The following ALK variants were observed in gnomAD, a reference collection of about 807,000 sequenced individuals.
The protein encoded by ALK is ALK receptor tyrosine kinase, also known as ALK tyrosine kinase receptor.
ALK carries 74 observed loss-of-function variants against 163.1 expected under a neutral mutation model. The ratio of observed to expected loss-of-function variants is 0.45; its 90% CI spans 0.38 to 0.55. The LOEUF is 0.55. Ranked by LOEUF, ALK falls within the 20% of genes least tolerant of loss-of-function variation. The probability of loss-of-function intolerance (pLI) is 0.00; values close to 1 mark genes in which losing one functional copy is unlikely to be tolerated. For synonymous variants in ALK, 960 were observed against 843.2 expected, an observed-to-expected ratio of 1.14 and a Z score of -2.40; for missense variants, 2,063 against 2,105.3, an observed-to-expected ratio of 0.98 and a Z score of 0.39.
chr2:29,272,840 G>A (rs1351357804), intron 11 of ALK, among the ~76,000 whole-genome samples: 1 of 152,202 alleles, frequency 6.6e-6, no homozygotes, highest in African/African-American at 2.4e-5. Flanking sequence ...TTGATACCTA[G>A]AAGTAGCTTA....
At chr2:29,485,605 C>T (rs566754662) in intron 4 of ALK, among the ~76,000 whole-genome samples, 41 of 152,258 alleles carry the variant, frequency 2.7e-4, no homozygotes, top group African/African-American at 9.9e-4. Flanking sequence ...TTTTGGCTTT[C>T]TTTCTTGGCA....
chr2:29,898,519 T>C (rs1156756143), intron 1 of ALK, among the ~76,000 whole-genome samples: 5 of 152,232 alleles, frequency 3.3e-5, no homozygotes, highest in Admixed American at 6.5e-5. Flanking sequence ...AATTAACCTG[T>C]AATAACAATT....
At chr2:29,394,612 G>A (rs1257301768) in intron 4 of ALK, among the ~76,000 whole-genome samples, 2 of 152,196 alleles carry the variant, frequency 1.3e-5, no homozygotes, top group African/African-American at 4.8e-5. Context: ...GGGGATTCCA[G>A]TGGGGGTTTT....
In ALK at chr2:29,310,664, A is replaced by G. The variant is rs72852100; in HGVS notation, c.1647+7640T>C. On this transcript the variant is annotated intron_variant, in intron 8 of 28. Transcript: ENST00000389048. ...CTCCCCGCATGGCTGGCCACACGGC[A>G]GGTTTGAAATCAATACTTGCTGGTT... is the stretch of plus-strand genomic sequence containing the variant. Among the ~76,000 whole-genome samples the G allele has an allele frequency of 9.0e-3, 1,376 of 152,344 alleles. 19 individuals are homozygous for G. Among genetic ancestry groups the G allele is most frequent in the African/African-American group, 0.031 (1,294 of 41,582 alleles).
chr2:29,588,987 G>A (rs1407583604), intron 3 of ALK, among the ~76,000 whole-genome samples: 1 of 152,110 alleles, frequency 6.6e-6, no homozygotes, highest in Non-Finnish European at 1.5e-5. Context: ...CTGGTTCTCT[G>A]CATACATTGG....
At chr2:29,479,150 AGG>A (rs1199252744) in intron 4 of ALK, among the ~76,000 whole-genome samples, 5 of 152,188 alleles carry the variant, frequency 3.3e-5, no homozygotes, top group African/African-American at 1.2e-4. Flanking sequence ...GGGAGCACTC[AGG>A]GTTCCCTGAA....
chr2:29,411,753 A>C (rs1669730122), intron 4 of ALK, among the ~76,000 whole-genome samples: 1 of 152,138 alleles, frequency 6.6e-6, no homozygotes. Flanking sequence ...CTCATTAGTC[A>C]ATTCCTCAGG....
At chr2:29,754,776 C>A (rs991940499) in intron 1 of ALK, among the ~76,000 whole-genome samples, 1 of 152,130 alleles carries the variant, frequency 6.6e-6, no homozygotes, top group Admixed American at 6.5e-5. Context: ...ATTTGCCAAT[C>A]CATACATGTT....
intron 3 of ALK, among the ~76,000 whole-genome samples, chr2:29,592,941 C>T (rs890124519): frequency 6.6e-6 from 1 of 152,212 alleles, no homozygotes; most frequent in African/African-American, 2.4e-5. Flanking sequence ...TGCAACTTGA[C>T]GCTGGCCTCC....
At chr2:29,872,211 T>C (rs1015876676) in intron 1 of ALK, among the ~76,000 whole-genome samples, 6 of 152,196 alleles carry the variant, frequency 3.9e-5, no homozygotes, top group East Asian at 1.9e-4. Flanking sequence ...TTCAGAAGAA[T>C]TGAAGGTGTT....
At chr2:29,301,965 C>G (rs149004061) in intron 8 of ALK, among the ~76,000 whole-genome samples, 156 of 152,340 alleles carry the variant, frequency 1.0e-3, no homozygotes, top group African/African-American at 3.5e-3. Context: ...CACTCCTACT[C>G]TTTGCTGCAT....
At chr2:29,709,716 G>T (rs545576704) in intron 2 of ALK, among the ~76,000 whole-genome samples, 107 of 152,212 alleles carry the variant, frequency 7.0e-4, no homozygotes, top group Non-Finnish European at 3.2e-4. Flanking sequence ...TTATAGTGCG[G>T]TCACCAGCTG....
intron 9 of ALK, among the ~76,000 whole-genome samples, chr2:29,292,887 C>G (rs77776674): frequency 0.013 from 2,022 of 152,302 alleles, 50 homozygotes; most frequent in African/African-American, 0.046. Flanking sequence ...GACTTATTCA[C>G]CGAGCCTTCC....
intron 5 of ALK, among the ~76,000 whole-genome samples, chr2:29,361,326 G>T (rs1017519584): frequency 1.4e-4 from 22 of 152,180 alleles, no homozygotes; most frequent in African/African-American, 5.3e-4. Flanking sequence ...CTCTGCTAAT[G>T]CATTAGCAGG....
intron 1 of ALK, among the ~76,000 whole-genome samples, chr2:29,821,270 G>C (rs893817716): frequency 6.6e-6 from 1 of 152,022 alleles, no homozygotes; most frequent in African/African-American, 2.4e-5. Flanking sequence ...TTTCTAGGGA[G>C]GTGGCCCTCT....
chr2:29,276,149 G>T (rs1009038450), intron 9 of ALK, among the ~76,000 whole-genome samples: 6 of 152,136 alleles, frequency 3.9e-5, no homozygotes, highest in Admixed American at 1.3e-4. Context: ...AGCCCAGCAG[G>T]GGTCTCAAGC....
intron 4 of ALK, among the ~76,000 whole-genome samples, chr2:29,501,922 A>C (rs1399506495): frequency 1.3e-5 from 2 of 152,198 alleles, no homozygotes; most frequent in Non-Finnish European, 2.9e-5. Flanking sequence ...ACATGAGTGG[A>C]ATTGTATAGT....
chr2:29,583,977 G>A (rs1344332051), intron 3 of ALK, among the ~76,000 whole-genome samples: 1 of 152,130 alleles, frequency 6.6e-6, no homozygotes, highest in East Asian at 1.9e-4. Context: ...TCTTTCCCTG[G>A]CATAAAACAA....
chr2:29,692,323 G>A (rs542100451), intron 3 of ALK, among the ~76,000 whole-genome samples: 1 of 152,282 alleles, frequency 6.6e-6, no homozygotes, highest in African/African-American at 2.4e-5. Context: ...ATTACCCAAT[G>A]AAATGGAAGA....
Sources: gnomAD v4.1 joint callset for allele counts (sites outside exome capture counted in the v4.1 genomes callset) on GRCh38, gnomAD v4.1.1 for gene constraint, MANE v1.5 for transcripts, NCBI Gene and HGNC (gene_info 2026-07-23, HGNC 2026-07-21) for gene names.